The following WWOX variants were observed in gnomAD, a reference collection of about 807,000 sequenced individuals.
The protein encoded by WWOX is WW domain-containing oxidoreductase.
A neutral mutation model predicts 46.2 loss-of-function variants in WWOX; 69 were observed. That is an observed-to-expected ratio of 1.49 (90% confidence interval 1.23 to 1.82). WWOX has a LOEUF of 1.82. WWOX is among the 40% of genes most tolerant of loss of function. WWOX has a pLI of 0.00. For synonymous variants in WWOX, 359 were observed against 202.6 expected, an observed-to-expected ratio of 1.77 and a Z score of -6.56; for missense variants, 919 against 542.6, an observed-to-expected ratio of 1.69 and a Z score of -6.89.
intron 8 of WWOX, among the ~76,000 whole-genome samples, chr16:78,650,306 C>T (rs945626653): frequency 3.9e-4 from 59 of 152,284 alleles, no homozygotes; most frequent in African/African-American, 1.3e-3. Flanking sequence ...TTTTGTCTTT[C>T]AGAATAACAT....
rs543985687 is a variant in WWOX at position 78,184,105 on chromosome 16, G to T, written c.516+19816G>T. On this transcript the variant is annotated intron_variant, in intron 5 of 8. Coordinates refer to ENST00000566780, the MANE Select transcript of WWOX (RefSeq NM_016373.4). ...CACAGACCTCGGTGCTCACGGTAAT[G>T]CTTCCTTCCACCATATCAGAAGGTC... Among the ~76,000 whole-genome samples the T allele has an allele frequency of 2.0e-5, 3 of 152,250 alleles. No individual in the cohort carries two copies. The East Asian group carries it at 5.8e-4, about 30-fold the overall frequency.
intron 8 of WWOX, chr16:78,552,660 G>A (rs577805031): frequency 6.6e-6 from 1 of 152,216 alleles, no homozygotes; most frequent in Non-Finnish European, 1.5e-5. Context: ...GAGTAGAAGA[G>A]GACTTCTGCA....
At chr16:79,182,372 G>A (rs910898832) in intron 8 of WWOX, among the ~76,000 whole-genome samples, 1 of 151,984 alleles carries the variant, frequency 6.6e-6, no homozygotes, top group Non-Finnish European at 1.5e-5. Context: ...TAACATGTCA[G>A]CCCTTGGTCT....
chr16:78,799,988 G>A (rs966294174), intron 8 of WWOX, among the ~76,000 whole-genome samples: 4 of 152,126 alleles, frequency 2.6e-5, no homozygotes, highest in East Asian at 3.9e-4. Flanking sequence ...CTGAGGTTCC[G>A]ATGAACTCTT....
rs116654222 is a variant in WWOX at position 78,669,303 on chromosome 16, T to C, written c.1056+236551T>C. Among the ~76,000 whole-genome samples the C allele has an allele frequency of 8.5e-3, 1,295 of 152,348 alleles. 21 individuals are homozygous for C. The highest frequency in any genetic ancestry group is 0.029 in the African/African-American group (1,218 of 41,580). ...TGCCTAAGCAATTGGTGGGATGGAT[T>C]TGTGTCTATAAACAAAGTTGCAAGG... is the stretch of plus-strand genomic sequence containing the variant. On this transcript the variant is annotated intron_variant, in intron 8 of 8. Coordinates refer to ENST00000566780, the MANE Select transcript of WWOX (RefSeq NM_016373.4).
At chr16:79,031,899 T>G (rs1248784274) in intron 8 of WWOX, among the ~76,000 whole-genome samples, 6 of 40,180 alleles carry the variant, frequency 1.5e-4, no homozygotes, top group African/African-American at 4.0e-4. Flanking sequence ...TATACAGATA[T>G]CTATATATAT....
chr16:78,411,152 G>C (rs917666213), intron 6 of WWOX, among the ~76,000 whole-genome samples: 1 of 152,094 alleles, frequency 6.6e-6, no homozygotes, highest in Non-Finnish European at 1.5e-5. Flanking sequence ...AAATTCCTAG[G>C]TCTCACCCAC....
chr16:78,476,890 C>T (rs2084362490), intron 8 of WWOX, among the ~76,000 whole-genome samples: 1 of 151,850 alleles, frequency 6.6e-6, no homozygotes, highest in Admixed American at 6.6e-5. Flanking sequence ...CATCTTCTTC[C>T]TCCCTCTTCT....
chr16:79,209,777 C>G (rs2051653671), intron 8 of WWOX, among the ~76,000 whole-genome samples: 1 of 152,140 alleles, frequency 6.6e-6, no homozygotes, highest in African/African-American at 2.4e-5. Context: ...CCCTTTTCCC[C>G]ACATGGGATG....
chr16:78,683,217 A>G (rs535881223), intron 8 of WWOX, among the ~76,000 whole-genome samples: 3 of 152,086 alleles, frequency 2.0e-5, no homozygotes, highest in African/African-American at 7.2e-5. Context: ...TTTTTAAAAA[A>G]TAGAGACAAG....
chr16:78,769,639 T>C (rs1391379140), intron 8 of WWOX, among the ~76,000 whole-genome samples: 1 of 150,834 alleles, frequency 6.6e-6, no homozygotes, highest in African/African-American at 2.4e-5. Flanking sequence ...AGAAACTATA[T>C]CATAATTTTA....
chr16:78,634,973 G>C (rs2046533332), intron 8 of WWOX, among the ~76,000 whole-genome samples: 1 of 151,956 alleles, frequency 6.6e-6, no homozygotes, highest in Non-Finnish European at 1.5e-5. Flanking sequence ...TAAAGAGCCT[G>C]TAAATAAATT....
intron 8 of WWOX, among the ~76,000 whole-genome samples, chr16:78,888,750 T>C (rs1271846288): frequency 6.6e-6 from 1 of 152,182 alleles, no homozygotes; most frequent in African/African-American, 2.4e-5. Context: ...TCCCCTAAAA[T>C]AGCCCAGGGT....
intron 5 of WWOX, among the ~76,000 whole-genome samples, chr16:78,317,515 A>G (rs1416545588): frequency 6.6e-6 from 1 of 152,198 alleles, no homozygotes; most frequent in East Asian, 1.9e-4. Context: ...AAGGCACAGG[A>G]CAAGCATCGG....
rs576139772 is a variant in WWOX, at chr16:78,724,777, G to T, written c.1056+292025G>T. On this transcript the variant is annotated intron_variant, in intron 8 of 8. Transcript: ENST00000566780. ...TGAAGGAGACATTTTCTGGGGAGCAGTGATTTGATGATTTGATGAAGTTGT... is the reference window on the plus strand; with the variant it reads ...TGAAGGAGACATTTTCTGGGGAGCATTGATTTGATGATTTGATGAAGTTGT... Among the ~76,000 whole-genome samples, 16 of 152,248 alleles carry T rather than the reference G, an allele frequency of 1.1e-4. No individual in the cohort carries two copies. In the East Asian group the frequency reaches 2.9e-3, roughly 28 times the overall value.
chr16:78,916,078 T>C (rs527858063), intron 8 of WWOX, among the ~76,000 whole-genome samples: 2 of 152,322 alleles, frequency 1.3e-5, no homozygotes, highest in African/African-American at 2.4e-5. Flanking sequence ...GCTATCATTG[T>C]GTTTACAGAG....
rs1489182544 is a variant in WWOX at position 78,344,739 on chromosome 16, C to A, written c.517-42121C>A. ...TGAAAAGAATTCTCCATTCCAACTT[C>A]CCAAGTCAGTTGCCATTTGGCCCTG... On this transcript the variant is annotated intron_variant, in intron 5 of 8. Coordinates refer to ENST00000566780, the MANE Select transcript of WWOX (RefSeq NM_016373.4). 2.5e-5 allele frequency among the ~76,000 whole-genome samples: 3 copies of A among 121,978 alleles called. 1 individual carries two copies. The highest frequency in any genetic ancestry group is 1.9e-4 in the East Asian group (1 of 5,184). 80.0% of individuals were successfully genotyped at this position (121,978 alleles called of 152,430 possible).
rs1423652835 is a variant in WWOX, at chr16:78,339,283, T to A, written c.517-47577T>A. Among the ~76,000 whole-genome samples the A allele has an allele frequency of 1.7e-5, 2 of 118,058 alleles. 1 individual carries two copies. Among genetic ancestry groups the A allele is most frequent in the Non-Finnish European group, 4.0e-5 (2 of 49,830 alleles). The allele number at this position is 118,058 out of a possible 152,430, so 77.5% of individuals were successfully genotyped here. A position where few individuals can be genotyped will look rare whatever the true frequency, so the allele number is the denominator to read the frequency against. ...CCTGGAGTTAATACTCATCTTTTTT[T>A]AGAAATTTGCTGAGTTTGTGATGTA... is the stretch of plus-strand genomic sequence containing the variant. On this transcript the variant is annotated intron_variant, in intron 5 of 8. Transcript: ENST00000566780.
chr16:78,574,693 A>G (rs966806499), intron 8 of WWOX, among the ~76,000 whole-genome samples: 4 of 151,924 alleles, frequency 2.6e-5, no homozygotes, highest in African/African-American at 9.7e-5. Flanking sequence ...CAAATAAGCC[A>G]GACACAGACA....
Sources: allele counts gnomAD v4.1 joint callset (sites outside exome capture counted in the v4.1 genomes callset), GRCh38; gene constraint gnomAD v4.1.1; transcripts MANE v1.5; gene names NCBI Gene and HGNC (gene_info 2026-07-23, HGNC 2026-07-21).